The following MAPK14 variants were observed in gnomAD, a reference collection of about 807,000 sequenced individuals.
MAPK14 encodes CSAID-binding protein.
MAPK14 carries 16 observed loss-of-function variants against 49.6 expected under a neutral mutation model. The ratio of observed to expected loss-of-function variants is 0.32; its 90% CI spans 0.22 to 0.49. The LOEUF (loss-of-function observed/expected upper bound fraction) is 0.49. MAPK14 is among the 20% of genes least tolerant of loss of function. MAPK14 has a pLI of 0.99. For missense variants in MAPK14, 200 were observed against 441.2 expected (o/e 0.45, Z 4.90); for synonymous variants, 142 against 158.0 (o/e 0.90, Z 0.76).
the MAPK14 span, among the ~76,000 whole-genome samples, chr6:36,116,486 CAG>C: frequency 6.6e-6 from 1 of 152,088 alleles, no homozygotes; most frequent in Non-Finnish European, 1.5e-5. Context: ...AGTCTAGGCT[CAG>C]ATAATCATAA....
At chr6:36,091,655 T>G (rs1765234980) in intron 8 of MAPK14, among the ~76,000 whole-genome samples, 1 of 152,214 alleles carries the variant, frequency 6.6e-6, no homozygotes, top group Non-Finnish European at 1.5e-5. Flanking sequence ...TGCCAGCTTT[T>G]GAAGAACCCA....
At chr6:36,075,349 C>A (rs774010747) in intron 6 of MAPK14, among the ~76,000 whole-genome samples, 1 of 151,374 alleles carries the variant, frequency 6.6e-6, no homozygotes, top group Non-Finnish European at 1.5e-5. Context: ...TTAGGTTTAT[C>A]TTTTCTGGAG....
intron 3 of MAPK14, among the ~76,000 whole-genome samples, chr6:36,062,718 C>T (rs2127429739): frequency 7.0e-6 from 1 of 142,966 alleles, no homozygotes; most frequent in East Asian, 2.1e-4. Flanking sequence ...AGTGCAGTGG[C>T]ACGATCTTAG....
intron 8 of MAPK14, among the ~76,000 whole-genome samples, chr6:36,082,779 A>C (rs1361126210): frequency 6.6e-6 from 1 of 152,210 alleles, no homozygotes; most frequent in Non-Finnish European, 1.5e-5. Flanking sequence ...GGAGGGGACA[A>C]AACATCCAAA....
intron 1 of MAPK14, among the ~76,000 whole-genome samples, chr6:36,030,239 G>A (rs186720715): frequency 6.6e-6 from 1 of 152,306 alleles, no homozygotes; most frequent in East Asian, 1.9e-4. Context: ...CAGATTTACA[G>A]TGAAGTACCA....
intron 1 of MAPK14, among the ~76,000 whole-genome samples, chr6:36,047,916 A>G (rs1346935562): frequency 6.6e-6 from 1 of 151,288 alleles, no homozygotes; most frequent in Admixed American, 6.6e-5. Flanking sequence ...TTTTAAATAT[A>G]TATTTTTAGT....
chr6:36,073,659 G>T, intron 4 of MAPK14, 32 bp from the exon 5 acceptor site: 2 of 1,581,476 alleles, frequency 1.3e-6, no homozygotes, highest in Non-Finnish European at 1.7e-6. Context: ...ATAGAAGGTT[G>T]GAGGTAACTT....
chr6:36,084,508 A>C (rs1463805230), intron 8 of MAPK14, among the ~76,000 whole-genome samples: 1 of 152,256 alleles, frequency 6.6e-6, no homozygotes, highest in African/African-American at 2.4e-5. Context: ...AACATAAATG[A>C]TGGAGCTGAA....
intron 1 of MAPK14, among the ~76,000 whole-genome samples, chr6:36,045,808 CAAAAAAAAA>C (rs371920281): frequency 1.1e-4 from 5 of 46,388 alleles, no homozygotes; most frequent in African/African-American, 3.6e-4. Flanking sequence ...GACTCTGTCT[CAAAAAAAAA>C]AAAAAAAAAA....
chr6:36,075,011 G>A (rs949140110), intron 6 of MAPK14, among the ~76,000 whole-genome samples: 1 of 151,724 alleles, frequency 6.6e-6, no homozygotes, highest in African/African-American at 2.4e-5. Context: ...TGGATTATGA[G>A]GTCAGGAGAT....
At chr6:36,095,954 G>T in intron 8 of MAPK14, 33 bp from the exon 9 acceptor site, 1 of 1,277,926 alleles carries the variant, frequency 7.8e-7, no homozygotes, top group Non-Finnish European at 1.1e-6. Flanking sequence ...TTTTTATTTT[G>T]TCCCAACATT....
At chr6:36,040,791 T>C (rs545147193) in intron 1 of MAPK14, among the ~76,000 whole-genome samples, 192 of 152,346 alleles carry the variant, frequency 1.3e-3, no homozygotes, top group African/African-American at 4.1e-3. Context: ...TCTTCTGGTA[T>C]TCTGTGTCCT....
rs545694875 is a variant in MAPK14 at position 36,056,338 on chromosome 6, T to C, written c.247-2951T>C. Among the ~76,000 whole-genome samples, 57 of 152,354 alleles carry C rather than the reference T, an allele frequency of 3.7e-4. No individual in the cohort carries two copies. The South Asian group carries it at 0.011, about 29-fold the overall frequency. ...GTCTGCTCAGTCTTGCTGTCAGTAC[T>C]GTGAAAATAAGCAATGATGTCCTCA... is the stretch of plus-strand genomic sequence containing the variant. On this transcript the variant is annotated intron_variant, in intron 2 of 11. Coordinates refer to ENST00000229794, the MANE Select transcript of MAPK14 (RefSeq NM_139012.3).
In MAPK14 at chr6:36,097,168, C is replaced by T. The variant is rs1292478202; in HGVS notation, c.762+1102C>T. Reference sequence around the variant, plus strand: ...ACATTTCTTGAAAGGATCCCAAAGCCCAGTGTATTTCTGAACCTCCACTCT... The same window carrying T: ...ACATTTCTTGAAAGGATCCCAAAGCTCAGTGTATTTCTGAACCTCCACTCT... On this transcript the variant is annotated intron_variant, in intron 9 of 11. Coordinates refer to ENST00000229794, the MANE Select transcript of MAPK14 (RefSeq NM_139012.3). 5 of 152,284 alleles carry T rather than the reference C, an allele frequency of 3.3e-5. No individual in the cohort carries two copies. The East Asian group carries it at 7.7e-4, about 23-fold the overall frequency. 9.4% of individuals were successfully genotyped at this position (152,284 alleles called of 1,614,324 possible). A position where few individuals can be genotyped will look rare whatever the true frequency, so the allele number is the denominator to read the frequency against.
Position 36,108,564 on chromosome 6 carries a change from G to A in MAPK14, c.*117G>A, listed in dbSNP as rs1765870012. The A allele has an allele frequency of 4.8e-6, 4 of 825,156 alleles. No homozygotes were observed. Among genetic ancestry groups the A allele is most frequent in the Non-Finnish European group, 2.1e-6 (1 of 480,170 alleles). 51.1% of individuals were successfully genotyped at this position (825,156 alleles called of 1,614,324 possible). ...TGCAGAGATTTCCTCCATGGTGGAA[G>A]GGGGTGTGCGTGCGTGTGCGTGCGT... On this transcript the variant is annotated 3_prime_UTR_variant, in exon 12 of 12. Coordinates refer to ENST00000229794, the MANE Select transcript of MAPK14 (RefSeq NM_139012.3).
intron 11 of MAPK14, 28 bp from the exon 12 acceptor site, chr6:36,108,352 C>T (rs201327327): frequency 2.1e-5 from 33 of 1,565,764 alleles, no homozygotes; most frequent in Non-Finnish European, 2.9e-5. Context: ...TAAACTCTCA[C>T]ATCTTACTTT....
chr6:36,052,928 C>A, intron 2 of MAPK14, 100 bp downstream of exon 2: 2 of 1,041,248 alleles, frequency 1.9e-6, no homozygotes, highest in Non-Finnish European at 2.7e-6. Flanking sequence ...GTGCATCAAA[C>A]GTTGGTCCCT....
intron 8 of MAPK14, among the ~76,000 whole-genome samples, chr6:36,092,884 C>T (rs776433889): frequency 2.6e-5 from 4 of 152,056 alleles, no homozygotes; most frequent in Non-Finnish European, 5.9e-5. Context: ...CAGGATGGTA[C>T]CTGTCCTTAA....
intron 9 of MAPK14, among the ~76,000 whole-genome samples, chr6:36,098,546 A>G (rs1446208948): frequency 6.6e-6 from 1 of 152,204 alleles, no homozygotes; most frequent in Non-Finnish European, 1.5e-5. Context: ...TTAAAAATAA[A>G]TAAACTAATT....
Sources: gnomAD v4.1 joint callset for allele counts (sites outside exome capture counted in the v4.1 genomes callset) on GRCh38, gnomAD v4.1.1 for gene constraint, MANE v1.5 for transcripts, NCBI Gene and HGNC (gene_info 2026-07-23, HGNC 2026-07-21) for gene names.